Variants in PRKN observed in about 807,000 individuals in gnomAD.
PRKN encodes E3 ubiquitin-protein ligase parkin.
In PRKN, 56 loss-of-function variants were observed where a neutral mutation model predicts 59.5. That is an observed-to-expected ratio of 0.94 (90% CI 0.76 to 1.18). The LOEUF is 1.18. Among genes scored for constraint, PRKN ranks in the 50% most tolerant of loss-of-function variants. The pLI is 0.00. For missense variants in PRKN, 657 were observed against 596.4 expected (o/e 1.10, Z -1.06); for synonymous variants, 250 against 222.1 (o/e 1.13, Z -1.12).
chr6:161,910,758 G>C (rs1321570341), intron 6 of PRKN, among the ~76,000 whole-genome samples: 16 of 152,134 alleles, frequency 1.1e-4, no homozygotes, highest in Non-Finnish European at 1.8e-4. Context: ...ATTTTAACAA[G>C]TTTCCACAGC....
At chr6:161,748,353 G>GTT (rs370900658) in intron 7 of PRKN, among the ~76,000 whole-genome samples, 3,313 of 144,280 alleles carry the variant, frequency 0.023, 47 homozygotes, top group Non-Finnish European at 0.035. Flanking sequence ...ACTCTCTTAC[G>GTT]TTTTTTTTTT....
chr6:162,423,552 G>A (rs190186479), intron 2 of PRKN, among the ~76,000 whole-genome samples: 1 of 152,278 alleles, frequency 6.6e-6, no homozygotes, highest in East Asian at 1.9e-4. Context: ...CAGGGAGTAG[G>A]AGAAACCTCA....
chr6:162,020,435 GATATTC>G (rs1468008733), intron 5 of PRKN, among the ~76,000 whole-genome samples: 2 of 149,920 alleles, frequency 1.3e-5, no homozygotes, highest in Non-Finnish European at 3.0e-5. Flanking sequence ...TGTTTTTCTA[GATATTC>G]TTTTGTACAT....
At chr6:162,087,928 G>A (rs947390395) in intron 4 of PRKN, among the ~76,000 whole-genome samples, 1 of 152,112 alleles carries the variant, frequency 6.6e-6, no homozygotes, top group African/African-American at 2.4e-5. Context: ...AATAGAGTAT[G>A]CACAGCGTGG....
intron 2 of PRKN, among the ~76,000 whole-genome samples, chr6:162,338,128 C>T (rs959192989): frequency 7.2e-5 from 11 of 152,164 alleles, no homozygotes; most frequent in African/African-American, 2.4e-4. Flanking sequence ...GAAGCATTTG[C>T]TCCTGACTTC....
At chr6:161,631,170 C>T (rs560117279) in intron 7 of PRKN, among the ~76,000 whole-genome samples, 1 of 152,302 alleles carries the variant, frequency 6.6e-6, no homozygotes, top group South Asian at 2.1e-4. Context: ...CAGGAGTGCC[C>T]ACCATGTGCC....
intron 5 of PRKN, among the ~76,000 whole-genome samples, chr6:162,050,615 A>G (rs2128284438): frequency 6.6e-6 from 1 of 152,212 alleles, no homozygotes; most frequent in East Asian, 1.9e-4. Flanking sequence ...TGGTCCAGGA[A>G]TTGCTTCCCA....
chr6:162,499,549 G>A (rs1183013602), intron 1 of PRKN, among the ~76,000 whole-genome samples: 1 of 152,120 alleles, frequency 6.6e-6, no homozygotes, highest in Non-Finnish European at 1.5e-5. Flanking sequence ...GTGGAGACTG[G>A]GGCAACTATG....
intron 2 of PRKN, among the ~76,000 whole-genome samples, chr6:162,397,680 T>C (rs111672202): frequency 9.2e-5 from 14 of 152,256 alleles, no homozygotes; most frequent in African/African-American, 2.9e-4. Context: ...ACCGCTGACA[T>C]TGAGTGTTAG....
intron 6 of PRKN, among the ~76,000 whole-genome samples, chr6:161,958,296 T>A (rs1471812672): frequency 2.0e-5 from 3 of 152,214 alleles, no homozygotes; most frequent in Non-Finnish European, 4.4e-5. Context: ...CACGCTAAAT[T>A]GTTCCTCTCT....
At chr6:162,597,175 T>C (rs960833967) in intron 1 of PRKN, among the ~76,000 whole-genome samples, 4 of 152,192 alleles carry the variant, frequency 2.6e-5, no homozygotes, top group Non-Finnish European at 4.4e-5. Context: ...GGACAAAAGA[T>C]ACAATGTTAC....
chr6:162,412,395 G>A (rs189495573), intron 2 of PRKN, among the ~76,000 whole-genome samples: 5 of 152,002 alleles, frequency 3.3e-5, no homozygotes, highest in East Asian at 2.0e-4. Flanking sequence ...TGGGGACTAC[G>A]GGACTCACTG....
intron 4 of PRKN, among the ~76,000 whole-genome samples, chr6:162,134,075 T>C (rs1361887229): frequency 6.6e-6 from 1 of 152,148 alleles, no homozygotes. Flanking sequence ...ATACGTCCTC[T>C]TATTAAATAT....
At chr6:162,295,031 C>T (rs1490445697) in intron 2 of PRKN, among the ~76,000 whole-genome samples, 2 of 152,318 alleles carry the variant, frequency 1.3e-5, no homozygotes, top group African/African-American at 4.8e-5. Context: ...ATTTAATATA[C>T]AGCCCTACAT....
intron 9 of PRKN, among the ~76,000 whole-genome samples, chr6:161,443,161 G>A (rs1316046695): frequency 6.6e-6 from 1 of 152,078 alleles, no homozygotes; most frequent in African/African-American, 2.4e-5. Context: ...TACAAAATTA[G>A]CTGGGTGTGG....
intron 1 of PRKN, among the ~76,000 whole-genome samples, chr6:162,686,568 G>A (rs1046912287): frequency 5.9e-5 from 9 of 152,134 alleles, no homozygotes; most frequent in Non-Finnish European, 1.2e-4. Context: ...ACATCAAAAA[G>A]GAACTAATAA....
intron 6 of PRKN, among the ~76,000 whole-genome samples, chr6:161,858,987 G>A (rs920198689): frequency 2.0e-5 from 3 of 147,862 alleles, no homozygotes; most frequent in Admixed American, 1.4e-4. Context: ...CTCCTGCCTC[G>A]GCCTCCCGAG....
intron 7 of PRKN, among the ~76,000 whole-genome samples, chr6:161,696,112 A>G (rs1786012331): frequency 6.6e-6 from 1 of 152,196 alleles, no homozygotes; most frequent in Admixed American, 6.5e-5. Context: ...ATACAGCATG[A>G]AAGAGAAGAT....
chr6:161,705,372 T>C (rs535131093), intron 7 of PRKN, among the ~76,000 whole-genome samples: 99 of 152,332 alleles, frequency 6.5e-4, no homozygotes, highest in Middle Eastern at 3.4e-3. Context: ...GATTATCTTA[T>C]GCAATTTATT....
Sources: gnomAD v4.1 joint callset for allele counts (sites outside exome capture counted in the v4.1 genomes callset) on GRCh38, gnomAD v4.1.1 for gene constraint, MANE v1.5 for transcripts, NCBI Gene and HGNC (gene_info 2026-07-23, HGNC 2026-07-21) for gene names.